Variants in TLN2 observed in about 807,000 individuals in gnomAD.
The protein encoded by TLN2 is talin-2.
TLN2 carries 118 observed loss-of-function variants against 294.7 expected under a neutral mutation model. The ratio of observed to expected loss-of-function variants is 0.40; its 90% CI spans 0.34 to 0.47. The LOEUF is 0.47. TLN2 is among the 20% of genes least tolerant of loss of function. The probability of loss-of-function intolerance (pLI) is 0.84; values close to 1 mark genes in which losing one functional copy is unlikely to be tolerated. For synonymous variants in TLN2, 1,431 were observed against 1,304.5 expected (o/e 1.10, Z -2.09); for missense variants, 3,083 against 3,282.2 (o/e 0.94, Z 1.48).
chr15:62,501,484 G>C (rs2039303671), intron 1 of TLN2, among the ~76,000 whole-genome samples: 1 of 152,158 alleles, frequency 6.6e-6, no homozygotes, highest in Non-Finnish European at 1.5e-5. Context: ...TTGTTTGGTT[G>C]GCTCTCAGAA....
intron 2 of TLN2, among the ~76,000 whole-genome samples, chr15:62,602,037 C>G (rs758235382): frequency 6.6e-6 from 1 of 152,118 alleles, no homozygotes; most frequent in Non-Finnish European, 1.5e-5. Context: ...TCTGCCAGTT[C>G]GTCAAGGAGC....
chr15:62,716,966 T>C (rs2414783), intron 23 of TLN2, among the ~76,000 whole-genome samples: 142,314 of 151,992 alleles, frequency 0.94, 67,266 homozygotes, highest in Non-Finnish European at 1. Context: ...AAAGTTTGTC[T>C]GACAAATGCA....
At chr15:62,690,805 G>A (rs1208648651) in intron 12 of TLN2, among the ~76,000 whole-genome samples, 2 of 151,472 alleles carry the variant, frequency 1.3e-5, no homozygotes, top group African/African-American at 4.9e-5. Context: ...GCGGTTAGGA[G>A]CTGGAGACCA....
intron 31 of TLN2, among the ~76,000 whole-genome samples, chr15:62,739,829 G>A (rs971772367): frequency 1.3e-5 from 2 of 152,158 alleles, no homozygotes; most frequent in Non-Finnish European, 2.9e-5. Flanking sequence ...TAGGAGGAGG[G>A]AGAATGTTTA....
At chr15:62,589,389 C>T (rs2045912834) in intron 1 of TLN2, among the ~76,000 whole-genome samples, 1 of 152,142 alleles carries the variant, frequency 6.6e-6, no homozygotes, top group South Asian at 2.1e-4. Context: ...AGGTGGATGT[C>T]TGTATTTGGT....
chr15:62,674,440 C>G lies in TLN2; in HGVS notation c.852+550C>G, dbSNP rs554537074. On this transcript the variant is annotated intron_variant, in intron 10 of 58. Transcript: ENST00000636159. ...ACAAATTTCATGCGTATAAAACATTCTTTTCTCCAGTATTGTTTCTGAGTA... is the reference window on the plus strand; with the variant it reads ...ACAAATTTCATGCGTATAAAACATTGTTTTCTCCAGTATTGTTTCTGAGTA... Among the ~76,000 whole-genome samples the G allele has an allele frequency of 2.0e-5, 3 of 151,996 alleles. No individual in the cohort carries two copies. In the East Asian group the frequency reaches 5.8e-4, roughly 29 times the overall value.
At chr15:62,835,829 G>T in intron 56 of TLN2, 30 bp downstream of exon 56, 1 of 1,614,216 alleles carries the variant, frequency 6.2e-7, no homozygotes, top group Non-Finnish European at 8.5e-7. Flanking sequence ...CTCCCAGTTT[G>T]CTTTTGGGGT....
At chr15:62,561,359 G>T (rs1426430834) in intron 1 of TLN2, 1 of 152,240 alleles carries the variant, frequency 6.6e-6, no homozygotes, top group Non-Finnish European at 1.5e-5. Context: ...TCCTCAGCGG[G>T]TGTGTCTTCA....
chr15:62,606,144 T>G (rs2047420020), intron 2 of TLN2, among the ~76,000 whole-genome samples: 1 of 152,068 alleles, frequency 6.6e-6, no homozygotes, highest in African/African-American at 2.4e-5. Context: ...TGCAGTGGTG[T>G]AATCTCAGCT....
intron 44 of TLN2, among the ~76,000 whole-genome samples, chr15:62,783,465 G>A (rs2064359837): frequency 6.6e-6 from 1 of 152,350 alleles, no homozygotes; most frequent in African/African-American, 2.4e-5. Flanking sequence ...GGTGGGCCCT[G>A]GGCACTGGCT....
chr15:62,728,301 A>G (rs1206891628), intron 28 of TLN2, among the ~76,000 whole-genome samples: 1 of 152,236 alleles, frequency 6.6e-6, no homozygotes, highest in East Asian at 1.9e-4. Flanking sequence ...TGTGGTACAT[A>G]CAGTGCTTCT....
At chr15:62,544,372 C>G (rs1235764504) in intron 1 of TLN2, among the ~76,000 whole-genome samples, 1 of 152,152 alleles carries the variant, frequency 6.6e-6, no homozygotes, top group South Asian at 2.1e-4. Context: ...GGGGCATCTG[C>G]TTCCTTAGCC....
At chr15:62,447,841 A>G (rs956790391) in intron 1 of TLN2, among the ~76,000 whole-genome samples, 3 of 151,912 alleles carry the variant, frequency 2.0e-5, no homozygotes, top group African/African-American at 4.8e-5. Flanking sequence ...GCCCCGCCCC[A>G]CTCACTCTTG....
chr15:62,446,848 C>A (rs2035846459), intron 1 of TLN2, among the ~76,000 whole-genome samples: 1 of 152,150 alleles, frequency 6.6e-6, no homozygotes, highest in African/African-American at 2.4e-5. Flanking sequence ...TATGTAAATA[C>A]ACACAGAGCT....
chr15:62,465,625 A>G (rs1005545153), intron 1 of TLN2, among the ~76,000 whole-genome samples: 1 of 152,224 alleles, frequency 6.6e-6, no homozygotes, highest in African/African-American at 2.4e-5. Context: ...GGGAATGGCA[A>G]GGTGGTAGCA....
rs1428015199 is a variant in TLN2, at chr15:62,703,619, A to ACG, written c.2004+756_2004+757insGC. 1.4e-3 allele frequency among the ~76,000 whole-genome samples: 149 copies of ACG among 106,972 alleles called. No homozygotes were observed. In the Middle Eastern group the frequency reaches 0.02, roughly 15 times the overall value. 70.2% of individuals were successfully genotyped at this position (106,972 alleles called of 152,430 possible). A position where few individuals can be genotyped will look rare whatever the true frequency, so the allele number is the denominator to read the frequency against. Reference sequence around the variant, plus strand: ...TTTACTTCGACACACACACACACACACACGCGCGCACACACACACACACAC... The same window carrying ACG: ...TTTACTTCGACACACACACACACACACGCACGCGCGCACACACACACACACAC... On this transcript the variant is annotated intron_variant, in intron 19 of 58. Transcript: ENST00000636159.
intron 1 of TLN2, among the ~76,000 whole-genome samples, chr15:62,448,764 G>A (rs2035954340): frequency 6.6e-6 from 1 of 152,212 alleles, no homozygotes; most frequent in African/African-American, 2.4e-5. Context: ...GCCCAAATCT[G>A]AGGCAAGCAA....
chr15:62,445,333 A>G (rs750703344), intron 1 of TLN2, among the ~76,000 whole-genome samples: 1 of 152,190 alleles, frequency 6.6e-6, no homozygotes, highest in African/African-American at 2.4e-5. Flanking sequence ...CCTGCCCCCA[A>G]GCAACTCTAA....
rs901535925 is a variant in TLN2 at position 62,419,509 on chromosome 15, C to T, written c.-238+28824C>T. 2.6e-5 allele frequency among the ~76,000 whole-genome samples: 4 copies of T among 152,220 alleles called. No individual in the cohort carries two copies. The East Asian group carries it at 5.8e-4, about 22-fold the overall frequency. ...TACAAATAGGAACTATTGGAGCACC[C>T]TCCTGACCTTAATACGATACCTCTG... On this transcript the variant is annotated intron_variant, in intron 1 of 58. Transcript: ENST00000636159.
Sources: allele counts gnomAD v4.1 joint callset (sites outside exome capture counted in the v4.1 genomes callset), GRCh38; gene constraint gnomAD v4.1.1; transcripts MANE v1.5; gene names NCBI Gene and HGNC (gene_info 2026-07-23, HGNC 2026-07-21).